The following ARHGAP24 variants were observed in gnomAD, a reference collection of about 807,000 sequenced individuals.
ARHGAP24 encodes the protein rho GTPase-activating protein 24.
In ARHGAP24, 50 loss-of-function variants were observed where a neutral mutation model predicts 76.4. That is an observed-to-expected ratio of 0.65 (90% CI 0.52 to 0.83). The LOEUF (loss-of-function observed/expected upper bound fraction) is 0.83, where lower values mean the gene tolerates loss of function less well. Ranked by LOEUF, ARHGAP24 falls within the 40% of genes least tolerant of loss-of-function variation. The probability of loss-of-function intolerance (pLI) is 0.00; values close to 1 mark genes in which losing one functional copy is unlikely to be tolerated. For synonymous variants in ARHGAP24, 345 were observed against 323.3 expected, an observed-to-expected ratio of 1.07 and a Z score of -0.72; for missense variants, 930 against 914.2, an observed-to-expected ratio of 1.02 and a Z score of -0.22.
At chr4:85,818,701 C>G (rs1235869103) in intron 3 of ARHGAP24, among the ~76,000 whole-genome samples, 2 of 152,166 alleles carry the variant, frequency 1.3e-5, no homozygotes, top group African/African-American at 4.8e-5. Flanking sequence ...AAGTTGAAAA[C>G]TTGTTTTAGA....
At chr4:85,738,668 A>G (rs1725698244) in intron 3 of ARHGAP24, among the ~76,000 whole-genome samples, 1 of 152,082 alleles carries the variant, frequency 6.6e-6, no homozygotes, top group Admixed American at 6.5e-5. Context: ...TTTTCTTTTA[A>G]GAGTTTTATA....
chr4:85,839,120 G>A (rs952315421), intron 3 of ARHGAP24, among the ~76,000 whole-genome samples: 1 of 152,202 alleles, frequency 6.6e-6, no homozygotes, highest in Non-Finnish European at 1.5e-5. Flanking sequence ...AAAAATGGTA[G>A]CTATTCTCAT....
At chr4:85,997,270 G>A (rs575992048) in intron 9 of ARHGAP24, among the ~76,000 whole-genome samples, 1 of 151,966 alleles carries the variant, frequency 6.6e-6, no homozygotes, top group Non-Finnish European at 1.5e-5. Context: ...GGATAGATAG[G>A]TAGGTAGGTA....
intron 3 of ARHGAP24, among the ~76,000 whole-genome samples, chr4:85,734,492 T>C (rs1166100323): frequency 6.6e-6 from 1 of 152,196 alleles, no homozygotes; most frequent in East Asian, 1.9e-4. Context: ...AAGGGAGCAC[T>C]TGATACATCT....
chr4:85,499,041 T>A (rs1723691131), intron 1 of ARHGAP24, among the ~76,000 whole-genome samples: 1 of 152,254 alleles, frequency 6.6e-6, no homozygotes, highest in Admixed American at 6.5e-5. Context: ...ATTCCACAGC[T>A]TATTCTTATT....
chr4:85,517,961 G>T (rs947485139), intron 1 of ARHGAP24, among the ~76,000 whole-genome samples: 1 of 152,116 alleles, frequency 6.6e-6, no homozygotes, highest in Non-Finnish European at 1.5e-5. Flanking sequence ...TCACAGGCAA[G>T]CACACTGACA....
chr4:85,972,031 C>T lies in ARHGAP24; in HGVS notation c.600-5C>T. On this transcript the variant is annotated splice_polypyrimidine_tract_variant and splice_region_variant and intron_variant, in intron 5 of 9. Transcript: ENST00000395184. The stretch of plus-strand genomic sequence containing the variant: ...AAGAATATCTTCACACTTCTGTCTC[C>T]ACAGCAACACAGATGTACACACGGT... The T allele has an allele frequency of 6.2e-7, 1 of 1,613,858 alleles. No individual in the cohort carries two copies. Among genetic ancestry groups the T allele is most frequent in the Non-Finnish European group, 8.5e-7 (1 of 1,179,920 alleles).
chr4:85,745,704 T>A (rs1726007949), intron 3 of ARHGAP24, among the ~76,000 whole-genome samples: 1 of 152,164 alleles, frequency 6.6e-6, no homozygotes, highest in Admixed American at 6.5e-5. Flanking sequence ...TCCTTGAACT[T>A]GTGAATAATC....
At chr4:85,916,001 C>G (rs184287849) in intron 3 of ARHGAP24, among the ~76,000 whole-genome samples, 1 of 152,302 alleles carries the variant, frequency 6.6e-6, no homozygotes, top group African/African-American at 2.4e-5. Context: ...AACACACTGT[C>G]TTCCACAACA....
At chr4:85,593,243 G>C (rs561721059) in intron 2 of ARHGAP24, among the ~76,000 whole-genome samples, 1 of 152,158 alleles carries the variant, frequency 6.6e-6, no homozygotes, top group East Asian at 1.9e-4. Context: ...TTTGCCATTT[G>C]TATGTCTTCT....
In ARHGAP24 at chr4:85,528,528, C is replaced by T. The variant is rs143081520; in HGVS notation, c.-20-41994C>T. Among the ~76,000 whole-genome samples, 241 of 151,944 alleles carry T rather than the reference C, an allele frequency of 1.6e-3. 2 individuals carry two copies. The highest frequency in any genetic ancestry group is 5.5e-3 in the African/African-American group (227 of 41,504). On this transcript the variant is annotated intron_variant, in intron 1 of 9. Transcript: ENST00000395184. Reference sequence around the variant, plus strand: ...ACAACAATATAGGCAAGATGTAATTCGGTTTTGATGGCAGTTGCGAGAATT... The same window carrying T: ...ACAACAATATAGGCAAGATGTAATTTGGTTTTGATGGCAGTTGCGAGAATT...
intron 2 of ARHGAP24, among the ~76,000 whole-genome samples, chr4:85,618,055 T>C (rs1008399702): frequency 3.9e-5 from 6 of 152,178 alleles, no homozygotes; most frequent in African/African-American, 1.4e-4. Flanking sequence ...CATTATTATT[T>C]ACTATAGTAT....
Position 85,995,085 on chromosome 4 carries a change from A to G in ARHGAP24, c.1431A>G (p.Val477=). The G allele has an allele frequency of 6.2e-7, 1 of 1,614,084 alleles. No homozygotes were observed. The highest frequency in any genetic ancestry group is 1.1e-5 in the South Asian group (1 of 91,074). The change falls in exon 9 of 10, where the codon GTA becomes GTG. Residue 477 remains valine (V), a synonymous_variant. Transcript: ENST00000395184. ...VSGTKMGTHS[V]QNGTVRMGIL... ...GTACCAAAATGGGCACGCACAGTGT[A>G]CAGAATGGAACGGTGCGCATGGGCA... is the stretch of plus-strand genomic sequence containing the variant.
chr4:85,775,869 A>T (rs1038724752), intron 3 of ARHGAP24, among the ~76,000 whole-genome samples: 3 of 152,130 alleles, frequency 2.0e-5, no homozygotes, highest in Non-Finnish European at 2.9e-5. Context: ...GAGAGTAATC[A>T]TGGGAAATTG....
intron 2 of ARHGAP24, among the ~76,000 whole-genome samples, chr4:85,671,871 G>A (rs1447534565): frequency 1.3e-5 from 2 of 152,102 alleles, no homozygotes; most frequent in Non-Finnish European, 2.9e-5. Context: ...CCTAAAAATG[G>A]ACACTGAGAA....
chr4:85,746,543 T>C (rs927237162), intron 3 of ARHGAP24, among the ~76,000 whole-genome samples: 4 of 152,154 alleles, frequency 2.6e-5, no homozygotes, highest in Non-Finnish European at 4.4e-5. Context: ...CTAACCTCTA[T>C]TGTGATGTCC....
At chr4:85,768,563 C>G (rs997166059) in intron 3 of ARHGAP24, among the ~76,000 whole-genome samples, 2 of 151,982 alleles carry the variant, frequency 1.3e-5, no homozygotes, top group Admixed American at 1.3e-4. Context: ...ATGGTGAAAC[C>G]CTGTCTCTAC....
intron 1 of ARHGAP24, among the ~76,000 whole-genome samples, chr4:85,547,704 G>A (rs2110126820): frequency 6.6e-6 from 1 of 152,234 alleles, no homozygotes; most frequent in South Asian, 2.1e-4. Context: ...CCGAAGTGCT[G>A]GGTTTACAGG....
intron 4 of ARHGAP24, among the ~76,000 whole-genome samples, chr4:85,933,386 T>C (rs1256376501): frequency 6.6e-6 from 1 of 152,166 alleles, no homozygotes; most frequent in Non-Finnish European, 1.5e-5. Context: ...GAGTAAAAGT[T>C]TCCAGAGGCC....
Sources: gnomAD v4.1 joint callset for allele counts (sites outside exome capture counted in the v4.1 genomes callset) on GRCh38, gnomAD v4.1.1 for gene constraint, MANE v1.5 for transcripts, NCBI Gene and HGNC (gene_info 2026-07-23, HGNC 2026-07-21) for gene names.